Variants in EDEM2 observed in about 807,000 individuals in gnomAD.
EDEM2 encodes ER degradation enhancing alpha-mannosidase like protein 2, also known as ER degradation-enhancing alpha-mannosidase-like protein 2.
A neutral mutation model predicts 64.8 loss-of-function variants in EDEM2; 39 were observed. The ratio of observed to expected loss-of-function variants is 0.60; its 90% CI spans 0.47 to 0.79. EDEM2 has a LOEUF of 0.79. Ranked by LOEUF, EDEM2 falls within the 30% of genes least tolerant of loss-of-function variation. EDEM2 has a pLI of 0.00. For missense variants in EDEM2, 609 were observed against 731.3 expected (o/e 0.83, Z 1.93); for synonymous variants, 296 against 291.5 (o/e 1.02, Z -0.16).
intron 10 of EDEM2, 89 bp downstream of exon 10, chr20:35,118,509 G>A: frequency 1.9e-6 from 3 of 1,583,274 alleles, no homozygotes; most frequent in Admixed American, 1.7e-5. Flanking sequence ...GTGCTGATAT[G>A]TCAGAACTCC....
chr20:35,121,625 C>A (rs895862880), intron 9 of EDEM2, among the ~76,000 whole-genome samples: 2 of 152,176 alleles, frequency 1.3e-5, no homozygotes, highest in East Asian at 3.8e-4. Flanking sequence ...CCTGCAGAGG[C>A]CTTTAGGCTA....
intron 10 of EDEM2, 29 bp downstream of exon 10, chr20:35,118,569 C>T: frequency 6.2e-7 from 1 of 1,613,590 alleles, no homozygotes; most frequent in Admixed American, 1.7e-5. Flanking sequence ...GAGACTCTTC[C>T]CAGTTCTTGG....
intron 10 of EDEM2, among the ~76,000 whole-genome samples, chr20:35,116,687 A>G (rs922949454): frequency 2.6e-5 from 4 of 152,182 alleles, no homozygotes; most frequent in African/African-American, 7.2e-5. Context: ...GACTATAAAC[A>G]TAGAGCTAAT....
chr20:35,145,490 T>C (rs1258874294), intron 2 of EDEM2, among the ~76,000 whole-genome samples: 2 of 152,222 alleles, frequency 1.3e-5, no homozygotes, highest in Admixed American at 6.5e-5. Context: ...AAAAGATTGT[T>C]ATCAAGACTT....
chr20:35,126,111 GTC>G lies in EDEM2; in HGVS notation c.969+138_969+139del, dbSNP rs1246023211. ...TCTAAATCTATCTAATTCACTCTAG[GTC>G]TCTCTTCCATCCTCAACCTGTCCCT... On this transcript the variant is annotated intron_variant, in intron 8 of 10. Coordinates refer to ENST00000374492, the MANE Select transcript of EDEM2 (RefSeq NM_018217.3). 2.7e-6 allele frequency: 3 copies of G among 1,102,074 alleles called. No homozygotes were observed. The East Asian group carries it at 7.7e-5, about 28-fold the overall frequency. The allele number at this position is 1,102,074 out of a possible 1,614,324, so 68.3% of individuals were successfully genotyped here.
intron 4 of EDEM2, 90 bp downstream of exon 4, chr20:35,142,283 A>G (rs1396982365): frequency 1.9e-6 from 2 of 1,045,920 alleles, no homozygotes; most frequent in Non-Finnish European, 2.9e-6. Context: ...TGGCATGGTC[A>G]GTCCTTAAAA....
intron 5 of EDEM2, among the ~76,000 whole-genome samples, chr20:35,137,416 CACAA>C (rs564973035): frequency 2.0e-5 from 3 of 152,152 alleles, no homozygotes; most frequent in Admixed American, 6.5e-5. Context: ...AAGACTCCAT[CACAA>C]ACAAACAAAC....
chr20:35,136,522 C>A (rs2146107126), intron 5 of EDEM2, among the ~76,000 whole-genome samples: 1 of 152,136 alleles, frequency 6.6e-6, no homozygotes, highest in South Asian at 2.1e-4. Context: ...TTTGGGAGTC[C>A]AAGGCAGATG....
Position 35,142,370 on chromosome 20 carries a change from T to C in EDEM2, c.364+3A>G, listed in dbSNP as rs891347972. 2 of 1,611,522 alleles carry C rather than the reference T, an allele frequency of 1.2e-6. No individual in the cohort carries two copies. The highest frequency in any genetic ancestry group is 1.7e-6 in the Non-Finnish European group (2 of 1,177,924). On this transcript the variant is annotated splice_donor_region_variant and intron_variant, in intron 4 of 10. Transcript: ENST00000374492. Reference sequence around the variant, plus strand: ...TTTAAAGGTCCTAGAGAGCAGCCCTTACCTCGAATGTTTGTTTCAAACACA... The same window carrying C: ...TTTAAAGGTCCTAGAGAGCAGCCCTCACCTCGAATGTTTGTTTCAAACACA...
At position 35,126,383 on chromosome 20, in the gene EDEM2, G is replaced by C; in HGVS notation, c.845-8C>G. On this transcript the variant is annotated splice_region_variant and splice_polypyrimidine_tract_variant and intron_variant, in intron 7 of 10. Coordinates refer to ENST00000374492, the MANE Select transcript of EDEM2 (RefSeq NM_018217.3). ...GGATGGCTTTGTTATACTCTGCAGT[G>C]GGGGAGATGGGATAATGGACATATG... The C allele has an allele frequency of 6.2e-7, 1 of 1,613,670 alleles. No individual in the cohort carries two copies. Among genetic ancestry groups the C allele is most frequent in the South Asian group, 1.1e-5 (1 of 91,036 alleles).
intron 5 of EDEM2, among the ~76,000 whole-genome samples, chr20:35,136,756 A>G (rs1297923897): frequency 2.7e-5 from 3 of 111,814 alleles, no homozygotes; most frequent in African/African-American, 8.2e-5. Context: ...CCCTGTCTGA[A>G]AAAAAAAAAA....
chr20:35,128,060 A>G (rs2085458260), intron 7 of EDEM2, among the ~76,000 whole-genome samples: 1 of 152,212 alleles, frequency 6.6e-6, no homozygotes, highest in African/African-American at 2.4e-5. Flanking sequence ...TATTTACTAT[A>G]TTATTATCAT....
Position 35,142,377 on chromosome 20 carries a change from A to G in EDEM2, c.360T>C (p.Ile120=), listed in dbSNP as rs892524081. ...GTCCTAGAGAGCAGCCCTTACCTCG[A>G]ATGTTTGTTTCAAACACAGAGGCGT... is the stretch of plus-strand genomic sequence containing the variant. ...DVNASVFETN[I]RVVGGLLSAH... is the part of the protein sequence containing the mutation. The change falls in exon 4 of 11, where the codon ATT becomes ATC. Residue 120 remains isoleucine, a synonymous_variant. Coordinates refer to ENST00000374492, the MANE Select transcript of EDEM2 (RefSeq NM_018217.3). 5.6e-6 allele frequency: 9 copies of G among 1,612,794 alleles called. No individual in the cohort carries two copies. Among genetic ancestry groups the G allele is most frequent in the Non-Finnish European group, 7.6e-6 (9 of 1,178,910 alleles).
chr20:35,135,927 G>C (rs116079042), intron 5 of EDEM2, among the ~76,000 whole-genome samples: 1 of 152,026 alleles, frequency 6.6e-6, no homozygotes, highest in African/African-American at 2.4e-5. Flanking sequence ...TTCTCTGCCC[G>C]CCCCACCCAA....
At chr20:35,132,541 C>A (rs2085518968) in intron 6 of EDEM2, among the ~76,000 whole-genome samples, 1 of 152,000 alleles carries the variant, frequency 6.6e-6, no homozygotes, top group Admixed American at 6.6e-5. Context: ...ATAATCCCAG[C>A]TACTCAGGAG....
At chr20:35,117,268 T>C (rs1394854831) in intron 10 of EDEM2, 1 of 152,250 alleles carries the variant, frequency 6.6e-6, no homozygotes, top group African/African-American at 2.4e-5. Context: ...TAAGATTACT[T>C]GCTACAAACA....
intron 8 of EDEM2, among the ~76,000 whole-genome samples, chr20:35,125,673 C>T (rs1232988676): frequency 2.0e-5 from 3 of 152,130 alleles, no homozygotes; most frequent in Admixed American, 6.6e-5. Flanking sequence ...CCTGAGCCAC[C>T]GCGCCCGACC....
At chr20:35,140,619 T>G (rs906864626) in intron 4 of EDEM2, among the ~76,000 whole-genome samples, 7 of 152,236 alleles carry the variant, frequency 4.6e-5, no homozygotes, top group Non-Finnish European at 1.0e-4. Flanking sequence ...GGATGTTCTC[T>G]AAGTCAGGTT....
intron 9 of EDEM2, among the ~76,000 whole-genome samples, chr20:35,120,753 G>A (rs545245726): frequency 1.5e-4 from 23 of 151,750 alleles, no homozygotes; most frequent in African/African-American, 4.8e-4. Flanking sequence ...ACATGCCACC[G>A]TGCCCGGCTA....
Sources: gnomAD v4.1 joint callset for allele counts (sites outside exome capture counted in the v4.1 genomes callset) on GRCh38, gnomAD v4.1.1 for gene constraint, MANE v1.5 for transcripts, NCBI Gene and HGNC (gene_info 2026-07-23, HGNC 2026-07-21) for gene names.